The following ASTN1 variants were observed in gnomAD, a reference collection of about 807,000 sequenced individuals.
ASTN1 encodes astrotactin-1.
A neutral mutation model predicts 140.7 loss-of-function variants in ASTN1; 41 were observed. The observed-to-expected ratio is 0.29, with a 90% confidence interval of 0.23 to 0.38. ASTN1 has a LOEUF of 0.38. Among genes scored for constraint, ASTN1 ranks in the 10% least tolerant of loss-of-function variants. The pLI, the probability that ASTN1 is intolerant of heterozygous loss-of-function variation, is 1.00. For missense variants in ASTN1, 1,479 were observed against 1,678.8 expected (o/e 0.88, Z 2.08); for synonymous variants, 640 against 652.2 (o/e 0.98, Z 0.29).
chr1:177,023,628 A>T, intron 6 of ASTN1, 57 bp from the exon 7 acceptor site: 1 of 1,465,988 alleles, frequency 6.8e-7, no homozygotes, highest in East Asian at 2.5e-5. Context: ...CACGTCCACA[A>T]GCCACCGAAG....
Position 177,089,598 on chromosome 1 carries a change from G to T in ASTN1, c.284-28333C>A, listed in dbSNP as rs12747882. On this transcript the variant is annotated intron_variant, in intron 1 of 22. Transcript: ENST00000361833. ...GCACACTCATGCCATCCTTTCTCTC[G>T]CACACCCACTGCTCACACCCAGACA... 2.0e-5 allele frequency among the ~76,000 whole-genome samples: 3 copies of T among 151,866 alleles called. No individual in the cohort carries two copies. The East Asian group carries it at 5.8e-4, about 29-fold the overall frequency.
At chr1:177,150,913 A>G (rs1020010739) in intron 1 of ASTN1, among the ~76,000 whole-genome samples, 4 of 152,198 alleles carry the variant, frequency 2.6e-5, no homozygotes, top group Non-Finnish European at 5.9e-5. Flanking sequence ...GAGTAGTTAC[A>G]ACAGAGACCA....
intron 16 of ASTN1, among the ~76,000 whole-genome samples, chr1:176,926,109 G>A (rs769987912): frequency 6.6e-6 from 1 of 151,966 alleles, no homozygotes; most frequent in Non-Finnish European, 1.5e-5. Context: ...ACCCAGCCAA[G>A]GCATTCTTTT....
chr1:176,859,387 C>T (rs1475710619), downstream of ASTN1, among the ~76,000 whole-genome samples: 2 of 152,186 alleles, frequency 1.3e-5, no homozygotes, highest in East Asian at 3.9e-4. Context: ...AAGTTCTCAT[C>T]TCCTTTCCAC....
chr1:176,892,075 G>C (rs1379442483), intron 17 of ASTN1, among the ~76,000 whole-genome samples: 1 of 152,118 alleles, frequency 6.6e-6, no homozygotes, highest in African/African-American at 2.4e-5. Context: ...ATGTGTTTGG[G>C]GGGTAGAAAG....
intron 1 of ASTN1, among the ~76,000 whole-genome samples, chr1:177,082,076 A>G (rs1679206091): frequency 1.3e-5 from 2 of 152,172 alleles, no homozygotes; most frequent in Non-Finnish European, 2.9e-5. Flanking sequence ...TGAGTTTGAC[A>G]TCCACATTGG....
chr1:176,986,918 A>G (rs1239470164), intron 8 of ASTN1, among the ~76,000 whole-genome samples: 1 of 152,166 alleles, frequency 6.6e-6, no homozygotes, highest in Non-Finnish European at 1.5e-5. Context: ...ACCTGTTGCA[A>G]CTGTCCCCTA....
At chr1:177,156,477 A>G (rs2102258038) in intron 1 of ASTN1, among the ~76,000 whole-genome samples, 2 of 152,306 alleles carry the variant, frequency 1.3e-5, no homozygotes, top group South Asian at 4.1e-4. Flanking sequence ...CCATTAGCCA[A>G]TGCTGAGACA....
chr1:176,997,640 T>G (rs1008625006), intron 8 of ASTN1, among the ~76,000 whole-genome samples: 1 of 152,080 alleles, frequency 6.6e-6, no homozygotes, highest in African/African-American at 2.4e-5. Context: ...ATTCTATTTT[T>G]ATTGAGCACC....
chr1:177,160,194 G>A (rs529258766), intron 1 of ASTN1, among the ~76,000 whole-genome samples: 112 of 152,240 alleles, frequency 7.4e-4, no homozygotes, highest in African/African-American at 2.5e-3. Context: ...ACCTGAGTTC[G>A]AATGATGGAT....
Position 176,894,809 on chromosome 1 carries a change from G to T in ASTN1, c.2693C>A (p.Ser898Tyr). 6.2e-7 allele frequency: 1 copy of T among 1,613,952 alleles called. No individual in the cohort carries two copies. Among genetic ancestry groups the T allele is most frequent in the Non-Finnish European group, 8.5e-7 (1 of 1,180,048 alleles). Residue 898 changes from serine to tyrosine, a missense_variant, in exon 17 of 23, where the codon TCT becomes TAT. Physicochemically the swap from Ser to Tyr is moderately radical, Grantham distance 144. Transcript: ENST00000361833. ...CTTGGGGTCTCTTTCCCGCTCCTCAGACTCATCTGATGGGGAGTTGCCTGC... is the reference window on the plus strand; with the variant it reads ...CTTGGGGTCTCTTTCCCGCTCCTCATACTCATCTGATGGGGAGTTGCCTGC... The part of the protein sequence containing the change: ...ISKGNSPSDE[S>Y]EERERDPKVL...
rs541874807 is a variant in ASTN1 at position 176,964,436 on chromosome 1, C to T, written c.1598+727G>A. Among the ~76,000 whole-genome samples, 28 of 152,272 alleles carry T rather than the reference C, an allele frequency of 1.8e-4. No individual in the cohort carries two copies. In the South Asian group the frequency reaches 4.6e-3, roughly 25 times the overall value. On this transcript the variant is annotated intron_variant, in intron 9 of 22. Transcript: ENST00000361833. ...GTATGTTAAGTGAATGATAGATTGA[C>T]AAAATGAATGGATGGTAAGATCTTA...
At chr1:177,030,354 A>G (rs1037949310) in intron 4 of ASTN1, among the ~76,000 whole-genome samples, 4 of 152,102 alleles carry the variant, frequency 2.6e-5, no homozygotes, top group African/African-American at 9.7e-5. Flanking sequence ...TCTATTTTAT[A>G]ACTTCATTTT....
At chr1:176,965,036 AGCAG>A (rs753558960) in intron 9 of ASTN1, 123 bp downstream of exon 9, 223 of 831,614 alleles carry the variant, frequency 2.7e-4, no homozygotes, top group Non-Finnish European at 4.1e-4. Flanking sequence ...CACTTTTGTT[AGCAG>A]GTGGTCGTGA....
intron 2 of ASTN1, among the ~76,000 whole-genome samples, chr1:177,042,877 A>G (rs768273982): frequency 5.9e-5 from 9 of 152,226 alleles, no homozygotes; most frequent in Non-Finnish European, 1.3e-4. Flanking sequence ...TGCTTCTACA[A>G]CTAACTCTCA....
At chr1:176,968,849 G>A (rs765992707) in intron 8 of ASTN1, among the ~76,000 whole-genome samples, 3 of 152,164 alleles carry the variant, frequency 2.0e-5, no homozygotes, top group Non-Finnish European at 4.4e-5. Flanking sequence ...TAAAAGGGAA[G>A]AGGAAGGGCT....
chr1:176,977,893 G>A (rs180739255), intron 8 of ASTN1, among the ~76,000 whole-genome samples: 2 of 152,314 alleles, frequency 1.3e-5, no homozygotes, highest in Admixed American at 6.5e-5. Context: ...GGCTGCACTG[G>A]CTGAAGGCTA....
At chr1:176,954,388 A>G (rs2103124379) in intron 11 of ASTN1, among the ~76,000 whole-genome samples, 1 of 152,264 alleles carries the variant, frequency 6.6e-6, no homozygotes, top group Admixed American at 6.5e-5. Flanking sequence ...TGTGCCAAGA[A>G]ATCTGGGTGG....
chr1:176,857,534 A>G, downstream of ASTN1: 1 of 473,504 alleles, frequency 2.1e-6, no homozygotes. Context: ...AGAGGTCATG[A>G]AGGAGATGCT....
Sources: gnomAD v4.1 joint callset for allele counts (sites outside exome capture counted in the v4.1 genomes callset) on GRCh38, gnomAD v4.1.1 for gene constraint, MANE v1.5 for transcripts, NCBI Gene and HGNC (gene_info 2026-07-23, HGNC 2026-07-21) for gene names.